Variants in EIF3L observed in about 807,000 individuals in gnomAD.
EIF3L encodes the protein eIEF associated protein HSPC021.
A neutral mutation model predicts 74.6 loss-of-function variants in EIF3L; 32 were observed. The observed-to-expected ratio is 0.43, with a 90% CI of 0.32 to 0.58. The LOEUF (loss-of-function observed/expected upper bound fraction) is 0.58. EIF3L is among the 20% of genes least tolerant of loss of function. The probability of loss-of-function intolerance (pLI) is 0.06; values close to 1 mark genes in which losing one functional copy is unlikely to be tolerated. For synonymous variants in EIF3L, 256 were observed against 254.4 expected (o/e 1.01, Z -0.06); for missense variants, 474 against 707.8 (o/e 0.67, Z 3.75).
intron 12 of EIF3L, 111 bp from the exon 13 acceptor site, chr22:37,888,315 C>G: frequency 8.5e-7 from 1 of 1,170,918 alleles, no homozygotes; most frequent in South Asian, 1.3e-5. Flanking sequence ...CAGAAACTTC[C>G]TTTCTTGGCT....
At chr22:37,870,956 C>G (rs1295561298) in intron 8 of EIF3L, among the ~76,000 whole-genome samples, 1 of 151,792 alleles carries the variant, frequency 6.6e-6, no homozygotes, top group Non-Finnish European at 1.5e-5. Flanking sequence ...GAGACTTTGT[C>G]TCAAAAAAAA....
intron 5 of EIF3L, among the ~76,000 whole-genome samples, chr22:37,860,976 C>T (rs1037358570): frequency 2.6e-5 from 4 of 152,116 alleles, no homozygotes; most frequent in South Asian, 2.1e-4. Flanking sequence ...TGGCAATATT[C>T]GTGGCACTTC....
At chr22:37,886,562 C>G (rs901280073) in intron 11 of EIF3L, 2 of 345,394 alleles carry the variant, frequency 5.8e-6, no homozygotes, top group Admixed American at 8.6e-5. Flanking sequence ...AGCAAAACTC[C>G]ATCTCAAAAA....
intron 12 of EIF3L, 186 bp from the exon 13 acceptor site, chr22:37,888,240 C>A: frequency 1.8e-6 from 1 of 564,894 alleles, no homozygotes. Flanking sequence ...AAAGAATAAT[C>A]CGCGTGAACT....
intron 5 of EIF3L, among the ~76,000 whole-genome samples, chr22:37,860,004 T>G (rs1021200795): frequency 6.6e-5 from 10 of 152,160 alleles, no homozygotes; most frequent in African/African-American, 2.4e-4. Flanking sequence ...AGAGTGAGAC[T>G]CTTGTCTCAA....
intron 3 of EIF3L, 138 bp from the exon 4 acceptor site, chr22:37,855,427 G>T: frequency 1.5e-6 from 1 of 664,190 alleles, no homozygotes; most frequent in South Asian, 1.9e-5. Flanking sequence ...GGACAGTTGT[G>T]GGCTTGAAGG....
chr22:37,868,476 C>T (rs1399870166), intron 7 of EIF3L, among the ~76,000 whole-genome samples: 4 of 150,648 alleles, frequency 2.7e-5, no homozygotes, highest in South Asian at 2.1e-4. Flanking sequence ...CCCCCTAAGG[C>T]GGAGTCTTGC....
chr22:37,851,582 A>G (rs762936187), intron 3 of EIF3L, 92 bp downstream of exon 3: 1 of 257,328 alleles, frequency 3.9e-6, no homozygotes, highest in South Asian at 3.1e-5. Flanking sequence ...TGTAAACAGT[A>G]CTTTCGGGGG....
chr22:37,859,198 G>C (rs1428851815), intron 5 of EIF3L, among the ~76,000 whole-genome samples: 4 of 151,494 alleles, frequency 2.6e-5, no homozygotes, highest in African/African-American at 4.9e-5. Context: ...TGCAAAGTTG[G>C]TACCCGAGGT....
At chr22:37,862,521 G>A (rs753766366) in intron 5 of EIF3L, among the ~76,000 whole-genome samples, 1 of 152,160 alleles carries the variant, frequency 6.6e-6, no homozygotes, top group African/African-American at 2.4e-5. Context: ...AACAGGTGGC[G>A]GAATAGATTT....
chr22:37,887,618 TG>T, intron 12 of EIF3L: 1 of 152,434 alleles, frequency 6.6e-6, no homozygotes, highest in Non-Finnish European at 1.5e-5. Flanking sequence ...GCTGGCTGCT[TG>T]GGGTTTGGGG....
chr22:37,849,903 T>G, intron 1 of EIF3L, 112 bp from the exon 2 acceptor site: 1 of 1,133,542 alleles, frequency 8.8e-7, no homozygotes, highest in Non-Finnish European at 1.3e-6. Flanking sequence ...GCAGGCACAG[T>G]GTCTTATTCG....
intron 3 of EIF3L, 113 bp from the exon 4 acceptor site, chr22:37,855,450 GCT>G: frequency 1.1e-6 from 1 of 878,780 alleles, no homozygotes; most frequent in Non-Finnish European, 1.8e-6. Context: ...TTTGGCCTCA[GCT>G]CTGTTTATTT....
At chr22:37,876,192 C>T (rs1926739885) in intron 10 of EIF3L, 181 bp downstream of exon 10, 2 of 607,740 alleles carry the variant, frequency 3.3e-6, no homozygotes, top group Non-Finnish European at 5.5e-6. Context: ...TGCAGTGACG[C>T]AGTCACAGCT....
chr22:37,855,005 A>C (rs1200299686), intron 3 of EIF3L, among the ~76,000 whole-genome samples: 2 of 152,176 alleles, frequency 1.3e-5, no homozygotes, highest in Non-Finnish European at 2.9e-5. Flanking sequence ...CCAGAGAAGC[A>C]GGAGGGGTGG....
chr22:37,858,971 TCTC>T (rs1356515532), intron 5 of EIF3L, among the ~76,000 whole-genome samples: 1 of 151,818 alleles, frequency 6.6e-6, no homozygotes, highest in Non-Finnish European at 1.5e-5. Flanking sequence ...TCCCCACAAT[TCTC>T]CTGGACTGGG....
At chr22:37,858,381 C>G (rs913074257) in intron 4 of EIF3L, among the ~76,000 whole-genome samples, 4 of 151,754 alleles carry the variant, frequency 2.6e-5, no homozygotes, top group African/African-American at 7.3e-5. Context: ...CGCACCACCA[C>G]GCTTGTCTAA....
At chr22:37,857,908 G>A (rs983523205) in intron 4 of EIF3L, among the ~76,000 whole-genome samples, 1 of 152,022 alleles carries the variant, frequency 6.6e-6, no homozygotes, top group South Asian at 2.1e-4. Flanking sequence ...CGTAGCTCAC[G>A]GCTGTAATTC....
chr22:37,879,829 TCA>T, intron 11 of EIF3L: 1 of 150,598 alleles, frequency 6.6e-6, no homozygotes. Context: ...AGATGGAGTG[TCA>T]TTCTGTCGTC....
Sources: gnomAD v4.1 joint callset for allele counts (sites outside exome capture counted in the v4.1 genomes callset) on GRCh38, gnomAD v4.1.1 for gene constraint, MANE v1.5 for transcripts, NCBI Gene and HGNC (gene_info 2026-07-23, HGNC 2026-07-21) for gene names.